The following PIK3C2G variants were observed in gnomAD, a reference collection of about 807,000 sequenced individuals.
PIK3C2G encodes phosphatidylinositol-4-phosphate 3-kinase catalytic subunit type 2 gamma.
In PIK3C2G, 168 loss-of-function variants were observed where a neutral mutation model predicts 181.1. The observed-to-expected ratio is 0.93, with a 90% CI of 0.82 to 1.05. The LOEUF is 1.05. PIK3C2G is among the 50% of genes least tolerant of loss of function. The pLI is 0.00. For missense variants in PIK3C2G, 1,869 were observed against 1,732.8 expected (o/e 1.08, Z -1.40); for synonymous variants, 573 against 592.2 (o/e 0.97, Z 0.47).
chr12:18,271,855 C>T (rs550554772), intron 1 of PIK3C2G, among the ~76,000 whole-genome samples: 1 of 152,292 alleles, frequency 6.6e-6, no homozygotes, highest in East Asian at 1.9e-4. Flanking sequence ...CAGTTTCATA[C>T]ATCCAATGAA....
At chr12:18,363,847 G>T (rs781014201) in intron 12 of PIK3C2G, among the ~76,000 whole-genome samples, 1 of 152,038 alleles carries the variant, frequency 6.6e-6, no homozygotes, top group Non-Finnish European at 1.5e-5. Context: ...TTCAATTCTC[G>T]CATACCTCAT....
chr12:18,304,955 A>G (rs1235930151), intron 5 of PIK3C2G, among the ~76,000 whole-genome samples: 1 of 152,222 alleles, frequency 6.6e-6, no homozygotes, highest in Admixed American at 6.5e-5. Flanking sequence ...GTGGGAGGAT[A>G]GAAAGGAACA....
the PIK3C2G span, chr12:18,714,586 G>A: frequency 6.6e-6 from 1 of 152,074 alleles, no homozygotes; most frequent in African/African-American, 2.4e-5. Flanking sequence ...ATAGGAAAGA[G>A]GTTAAAAAAG....
the PIK3C2G span, among the ~76,000 whole-genome samples, chr12:18,726,153 T>C: frequency 1.1e-4 from 16 of 152,106 alleles, no homozygotes; most frequent in Admixed American, 3.3e-4. Flanking sequence ...ATAAAGGAAT[T>C]AAGTATCTCC....
the PIK3C2G span, chr12:18,683,592 C>T: frequency 6.9e-7 from 1 of 1,446,526 alleles, no homozygotes. Context: ...CACCACCCTT[C>T]TGCTTCAGGA....
chr12:18,322,561 T>C (rs972916204), intron 7 of PIK3C2G, among the ~76,000 whole-genome samples: 7 of 152,096 alleles, frequency 4.6e-5, no homozygotes, highest in Non-Finnish European at 1.0e-4. Flanking sequence ...TGATAGTATA[T>C]ATTATCCTGT....
At chr12:18,677,283 G>T in the PIK3C2G span, among the ~76,000 whole-genome samples, 1 of 152,110 alleles carries the variant, frequency 6.6e-6, no homozygotes, top group Non-Finnish European at 1.5e-5. Flanking sequence ...AAGATGGCGA[G>T]CAAGACAGTT....
rs1027272090 is a variant in PIK3C2G, at chr12:18,596,535, C to T, written c.4087+1966C>T. Among the ~76,000 whole-genome samples, 3 of 152,042 alleles carry T rather than the reference C, an allele frequency of 2.0e-5. 1 individual carries two copies. In the South Asian group the frequency reaches 6.2e-4, roughly 32 times the overall value. Reference sequence around the variant, plus strand: ...TCACAACTACTACATAGCTTTGACACCCAGAAGATAGTTATTTGTCAAGGT... The same window carrying T: ...TCACAACTACTACATAGCTTTGACATCCAGAAGATAGTTATTTGTCAAGGT... On this transcript the variant is annotated intron_variant, in intron 30 of 32. Transcript: ENST00000538779.
chr12:18,480,040 C>G (rs1024746760), intron 18 of PIK3C2G, among the ~76,000 whole-genome samples: 4 of 152,040 alleles, frequency 2.6e-5, no homozygotes, highest in African/African-American at 7.3e-5. Flanking sequence ...GAGAGCAGAA[C>G]AAGGTGGAGT....
At chr12:18,538,101 A>G in intron 24 of PIK3C2G, 55 bp from the exon 25 acceptor site, 1 of 1,519,618 alleles carries the variant, frequency 6.6e-7, no homozygotes, top group Non-Finnish European at 9.0e-7. Context: ...TGCTGATTTA[A>G]CCTGACAAAC....
intron 30 of PIK3C2G, among the ~76,000 whole-genome samples, chr12:18,600,684 A>G (rs1032178035): frequency 1.3e-5 from 2 of 152,100 alleles, no homozygotes; most frequent in African/African-American, 4.8e-5. Context: ...TCCATGAGAA[A>G]ATAAATTTGT....
At chr12:18,335,344 A>T (rs888571154) in intron 8 of PIK3C2G, among the ~76,000 whole-genome samples, 38 of 152,174 alleles carry the variant, frequency 2.5e-4, no homozygotes, top group African/African-American at 8.9e-4. Context: ...AGGCCATTAC[A>T]GCATCACTGT....
chr12:18,284,474 G>T lies in PIK3C2G; in HGVS notation c.678+1715G>T, dbSNP rs567198081. On this transcript the variant is annotated intron_variant, in intron 2 of 32. Coordinates refer to ENST00000538779, the MANE Select transcript of PIK3C2G (RefSeq NM_001288772.2). ...ATTCAACATAAAATAAAAATGCATA[G>T]ATATGTAAAGAAGCAGGGAATTTTG... Among the ~76,000 whole-genome samples the T allele has an allele frequency of 1.2e-3, 188 of 152,146 alleles. 1 individual carries two copies. Among genetic ancestry groups the T allele is most frequent in the African/African-American group, 4.3e-3 (179 of 41,514 alleles).
intron 6 of PIK3C2G, among the ~76,000 whole-genome samples, chr12:18,318,207 CAT>C: frequency 6.6e-6 from 1 of 152,212 alleles, no homozygotes; most frequent in Admixed American, 6.5e-5. Flanking sequence ...CTTTCATACT[CAT>C]AGAGCAGGAT....
At chr12:18,610,665 C>G (rs1019438590) in intron 31 of PIK3C2G, among the ~76,000 whole-genome samples, 10 of 151,942 alleles carry the variant, frequency 6.6e-5, no homozygotes, top group Admixed American at 3.3e-4. Flanking sequence ...GATAATCAAT[C>G]TTAAATGAGA....
intron 4 of PIK3C2G, among the ~76,000 whole-genome samples, chr12:18,292,225 A>C (rs200212498): frequency 4.9e-4 from 27 of 55,362 alleles, no homozygotes; most frequent in African/African-American, 1.9e-3. Flanking sequence ...AAAAAAAAAA[A>C]AAATATATAT....
At chr12:18,589,300 G>A (rs1946950890) in intron 29 of PIK3C2G, among the ~76,000 whole-genome samples, 1 of 151,904 alleles carries the variant, frequency 6.6e-6, no homozygotes, top group Non-Finnish European at 1.5e-5. Flanking sequence ...AGTGTGATGG[G>A]AATGTTAGGA....
chr12:18,289,295 A>C (rs949467284), intron 3 of PIK3C2G, among the ~76,000 whole-genome samples: 3 of 152,228 alleles, frequency 2.0e-5, no homozygotes, highest in Admixed American at 1.3e-4. Flanking sequence ...TCTTGTAACA[A>C]ATATGGTAAC....
intron 29 of PIK3C2G, among the ~76,000 whole-genome samples, chr12:18,575,008 C>T (rs1381190555): frequency 1.3e-5 from 2 of 152,138 alleles, no homozygotes; most frequent in Non-Finnish European, 2.9e-5. Context: ...AGCATGTTGG[C>T]TTATTGCTGT....
Sources: gnomAD v4.1 joint callset for allele counts (sites outside exome capture counted in the v4.1 genomes callset) on GRCh38, gnomAD v4.1.1 for gene constraint, MANE v1.5 for transcripts, NCBI Gene and HGNC (gene_info 2026-07-23, HGNC 2026-07-21) for gene names.